PTBP3: variants seen among roughly 807,000 people sequenced by gnomAD.
PTBP3 encodes polypyrimidine tract binding protein 3.
Under a neutral mutation model 58.7 loss-of-function variants are expected in PTBP3, and 20 were observed. That is an observed-to-expected ratio of 0.34 (90% CI 0.24 to 0.50). The LOEUF is 0.50. Ranked by LOEUF, PTBP3 falls within the 20% of genes least tolerant of loss-of-function variation. PTBP3 has a pLI of 0.98. For synonymous variants in PTBP3, 185 were observed against 219.8 expected, an observed-to-expected ratio of 0.84 and a Z score of 1.40; for missense variants, 509 against 637.2, an observed-to-expected ratio of 0.80 and a Z score of 2.17.
intron 2 of PTBP3, among the ~76,000 whole-genome samples, chr9:112,295,352 T>A (rs1828631023): frequency 6.6e-6 from 1 of 151,558 alleles, no homozygotes; most frequent in Non-Finnish European, 1.5e-5. Context: ...GCTGTCTCTG[T>A]TACAGATGCC....
intron 6 of PTBP3, among the ~76,000 whole-genome samples, chr9:112,251,351 CAAATA>C (rs1348734748): frequency 1.3e-5 from 2 of 152,048 alleles, no homozygotes; most frequent in East Asian, 3.9e-4. Context: ...GTGGTAAGAT[CAAATA>C]AGAGAGGAGA....
chr9:112,220,633 C>A lies in PTBP3; in HGVS notation c.*3218G>T, dbSNP rs1469152143. 5.0e-6 allele frequency: 5 copies of A among 993,264 alleles called. No homozygotes were observed. The South Asian group carries it at 1.8e-4, about 35-fold the overall frequency. 61.5% of individuals were successfully genotyped at this position (993,264 alleles called of 1,614,324 possible). On this transcript the variant is annotated 3_prime_UTR_variant, in exon 14 of 14. Coordinates refer to ENST00000374257, the MANE Select transcript of PTBP3 (RefSeq NM_001163788.4). ...AAGAATTTATGGCATTCTGTAAGAG[C>A]TGCTGGGTAATTCTGATACTCTCCA...
chr9:112,323,297 C>T (rs1041942802), intron 1 of PTBP3, among the ~76,000 whole-genome samples: 1 of 152,200 alleles, frequency 6.6e-6, no homozygotes, highest in Non-Finnish European at 1.5e-5. Flanking sequence ...ATCCTGCCTC[C>T]TGGAATCACC....
At chr9:112,342,678 TG>T in the PTBP3 span, among the ~76,000 whole-genome samples, 1 of 151,120 alleles carries the variant, frequency 6.6e-6, no homozygotes, top group South Asian at 2.1e-4. Context: ...ATTGCACCAT[TG>T]CACTCCTGCC....
the PTBP3 span, among the ~76,000 whole-genome samples, chr9:112,356,057 T>TTC: frequency 5.3e-4 from 79 of 148,438 alleles, 1 homozygote; most frequent in East Asian, 9.8e-4. Context: ...CTCCCTCCCT[T>TTC]TCTCTCTCTC....
chr9:112,225,748 G>A (rs1232016272), intron 12 of PTBP3, among the ~76,000 whole-genome samples: 1 of 152,132 alleles, frequency 6.6e-6, no homozygotes, highest in African/African-American at 2.4e-5. Flanking sequence ...CCTGCGTGAT[G>A]TGGTATATTT....
At chr9:112,308,351 TAAAAAAAA>T (rs58071863) in intron 1 of PTBP3, among the ~76,000 whole-genome samples, 2 of 135,096 alleles carry the variant, frequency 1.5e-5, no homozygotes, top group Non-Finnish European at 3.2e-5. Flanking sequence ...TCCTTTTATT[TAAAAAAAA>T]AAAAAAAAAA....
intron 4 of PTBP3, among the ~76,000 whole-genome samples, chr9:112,265,469 G>C (rs28539292): frequency 0.27 from 40,790 of 150,354 alleles, 6,663 homozygotes; most frequent in South Asian, 0.4. Flanking sequence ...GTTGCAGTGA[G>C]CCGAGATAGT....
At chr9:112,320,521 G>A (rs1829904892) in intron 1 of PTBP3, among the ~76,000 whole-genome samples, 1 of 150,798 alleles carries the variant, frequency 6.6e-6, no homozygotes, top group Non-Finnish European at 1.5e-5. Flanking sequence ...CAATGCCAGG[G>A]AAAATCACAG....
At chr9:112,227,050 A>T (rs987183426) in intron 12 of PTBP3, among the ~76,000 whole-genome samples, 1 of 152,224 alleles carries the variant, frequency 6.6e-6, no homozygotes, top group South Asian at 2.1e-4. Context: ...TCTTAGATAC[A>T]CAATTTGATT....
chr9:112,287,148 T>G (rs1371999206), intron 2 of PTBP3, among the ~76,000 whole-genome samples: 1 of 151,492 alleles, frequency 6.6e-6, no homozygotes, highest in East Asian at 1.9e-4. Flanking sequence ...CTGCTTAAGT[T>G]TCACTGAACT....
intron 3 of PTBP3, among the ~76,000 whole-genome samples, chr9:112,270,092 A>G (rs1442175653): frequency 1.3e-5 from 2 of 152,010 alleles, no homozygotes; most frequent in African/African-American, 2.4e-5. Flanking sequence ...TTACAAGCGC[A>G]TGATACCACG....
chr9:112,268,010 G>A, intron 4 of PTBP3, 39 bp downstream of exon 4: 1 of 1,560,646 alleles, frequency 6.4e-7, no homozygotes, highest in South Asian at 1.2e-5. Context: ...CATACCATGT[G>A]TTCCCATACC....
intron 1 of PTBP3, among the ~76,000 whole-genome samples, chr9:112,310,896 A>G (rs1049497693): frequency 2.0e-5 from 3 of 152,220 alleles, no homozygotes; most frequent in African/African-American, 7.2e-5. Flanking sequence ...GAAAAACAGT[A>G]AGGAGGCAAT....
At chr9:112,278,073 A>C (rs546405741) in intron 2 of PTBP3, among the ~76,000 whole-genome samples, 1 of 152,214 alleles carries the variant, frequency 6.6e-6, no homozygotes, top group Non-Finnish European at 1.5e-5. Context: ...TTCACTTCTA[A>C]CTTTCAAACT....
Position 112,221,047 on chromosome 9 carries a change from T to C in PTBP3, c.*2804A>G. On this transcript the variant is annotated 3_prime_UTR_variant, in exon 14 of 14. Transcript: ENST00000374257. ...TATGCCAACACAAATACTGTAGACC[T>C]CTATAATTCAAACAGCAAATAGCTT... 3 of 980,980 alleles carry C rather than the reference T, an allele frequency of 3.1e-6. No individual in the cohort carries two copies. Among genetic ancestry groups the C allele is most frequent in the Non-Finnish European group, 3.6e-6 (3 of 825,928 alleles). 60.8% of individuals were successfully genotyped at this position (980,980 alleles called of 1,614,324 possible).
chr9:112,347,989 A>T, the PTBP3 span, among the ~76,000 whole-genome samples: 1 of 152,200 alleles, frequency 6.6e-6, no homozygotes, highest in East Asian at 1.9e-4. Flanking sequence ...GTCAGCACTG[A>T]CGTAGGTTCC....
At chr9:112,333,109 C>T (rs1193846354) in intron 1 of PTBP3, 2 of 1,265,506 alleles carry the variant, frequency 1.6e-6, no homozygotes, top group African/African-American at 1.6e-5. Context: ...GCACCATTTT[C>T]TGAGAGGAAG....
At chr9:112,353,141 TCCAC>T in the PTBP3 span, among the ~76,000 whole-genome samples, 1 of 152,124 alleles carries the variant, frequency 6.6e-6, no homozygotes, top group East Asian at 1.9e-4. Context: ...CCTCGAGTGA[TCCAC>T]CCACCTTGGC....
Sources: allele counts gnomAD v4.1 joint callset (sites outside exome capture counted in the v4.1 genomes callset), GRCh38; gene constraint gnomAD v4.1.1; transcripts MANE v1.5; gene names NCBI Gene and HGNC (gene_info 2026-07-23, HGNC 2026-07-21).